The following RNF123 variants were observed in gnomAD, a reference collection of about 807,000 sequenced individuals.
The protein encoded by RNF123 is ring finger protein 123.
A neutral mutation model predicts 168.5 loss-of-function variants in RNF123; 86 were observed. The ratio of observed to expected loss-of-function variants is 0.51; its 90% CI spans 0.43 to 0.61. The LOEUF is 0.61. Ranked by LOEUF, RNF123 falls within the 20% of genes least tolerant of loss-of-function variation. The pLI, the probability that RNF123 is intolerant of heterozygous loss-of-function variation, is 0.00. For synonymous variants in RNF123, 666 were observed against 689.1 expected, an observed-to-expected ratio of 0.97 and a Z score of 0.52; for missense variants, 1,419 against 1,729.7, an observed-to-expected ratio of 0.82 and a Z score of 3.19.
intron 5 of RNF123, 147 bp from the exon 6 acceptor site, chr3:49,697,738 G>A (rs113355417): frequency 8.3e-6 from 8 of 966,110 alleles, no homozygotes; most frequent in South Asian, 7.0e-5. Context: ...AAGCCTACCC[G>A]CTCCCACCGT....
chr3:49,714,796 C>T (rs188066975), intron 31 of RNF123, among the ~76,000 whole-genome samples: 1 of 152,382 alleles, frequency 6.6e-6, no homozygotes, highest in African/African-American at 2.4e-5. Context: ...ACACTGTCCT[C>T]ACCCTTCATG....
rs2054427578 is a variant in RNF123 at position 49,702,636 on chromosome 3, A to G, written c.1633A>G (p.Met545Val). Residue 545 changes from methionine to valine, a missense_variant, in exon 20 of 39, where the codon ATG becomes GTG. Coordinates refer to ENST00000327697, the MANE Select transcript of RNF123 (RefSeq NM_022064.5). ...GTTTCATGCCTGGTGTCCACAGAAC[A>G]TGCCCATGCTCTGCCCCCCTGAGTA... ...LQENASGRGN[M>V]PMLCPPEYMV... 1 of 1,614,226 alleles carries G rather than the reference A, an allele frequency of 6.2e-7. No homozygotes were observed. Among genetic ancestry groups the G allele is most frequent in the Non-Finnish European group, 8.5e-7 (1 of 1,180,026 alleles).
At chr3:49,701,426 GAA>G (rs1391561968) in intron 15 of RNF123, 63 bp from the exon 16 acceptor site, 3 of 1,277,862 alleles carry the variant, frequency 2.3e-6, no homozygotes, top group African/African-American at 2.9e-5. Flanking sequence ...GGCTCCTGGG[GAA>G]GGACTCTTGA....
At chr3:49,719,101 C>T in intron 35 of RNF123, 2 of 1,613,550 alleles carry the variant, frequency 1.2e-6, no homozygotes, top group Non-Finnish European at 8.5e-7. Flanking sequence ...GCCAAGCGCC[C>T]GCAACGTGTT....
At chr3:49,703,397 C>G (rs1251705250) in intron 20 of RNF123, 30 bp from the exon 21 acceptor site, 3 of 1,577,168 alleles carry the variant, frequency 1.9e-6, no homozygotes, top group Non-Finnish European at 2.6e-6. Context: ...GGGCCGTGAC[C>G]ACTGGCCTAG....
chr3:49,691,138 A>G lies in RNF123; in HGVS notation c.-28A>G, dbSNP rs765809754. The G allele has an allele frequency of 1.4e-5, 23 of 1,609,598 alleles. No homozygotes were observed. The highest frequency in any genetic ancestry group is 1.7e-4 in the Middle Eastern group (1 of 5,934). ...CTCTGTGTCTGGCTCAGCCCCCAGG[A>G]CCACTGGCTGCCCATGAGAGATGAA... is the stretch of plus-strand genomic sequence containing the variant. On this transcript the variant is annotated 5_prime_UTR_variant, in exon 2 of 39. Transcript: ENST00000327697.
chr3:49,703,449 C>G lies in RNF123; in HGVS notation c.1773C>G (p.Val591=). 6.2e-7 allele frequency: 1 copy of G among 1,614,090 alleles called. No individual in the cohort carries two copies. Among genetic ancestry groups the G allele is most frequent in the Non-Finnish European group, 8.5e-7 (1 of 1,179,986 alleles). ...CAGAGGCCTACATCCCGCCCCAGGT[C>G]TTCTATAATGGCAAGGTGGACTACT... ...FSEEAYIPPQ[V]FYNGKVDYFD... The change falls in exon 21 of 39, where the codon GTC becomes GTG. Residue 591 remains valine, a synonymous_variant. Coordinates refer to ENST00000327697, the MANE Select transcript of RNF123 (RefSeq NM_022064.5).
In RNF123 at chr3:49,698,152, G is replaced by C. The variant is rs991920278; in HGVS notation, c.483+15G>C. On this transcript the variant is annotated intron_variant, in intron 7 of 38. Transcript: ENST00000327697. ...TCAACCAGGAGGTACACGTTGGGGA[G>C]GGGACCCCTCCCTGGGCCCAGGGAG... 1 of 1,610,920 alleles carries C rather than the reference G, an allele frequency of 6.2e-7. No homozygotes were observed. The highest frequency in any genetic ancestry group is 1.3e-5 in the African/African-American group (1 of 74,916).
intron 12 of RNF123, 135 bp from the exon 13 acceptor site, chr3:49,700,092 G>T (rs2054348797): frequency 3.9e-6 from 5 of 1,288,954 alleles, no homozygotes; most frequent in African/African-American, 1.5e-5. Context: ...CCCGGAAGGG[G>T]TCATCTATGT....
At chr3:49,692,493 A>G (rs2054187356) in intron 3 of RNF123, among the ~76,000 whole-genome samples, 1 of 152,140 alleles carries the variant, frequency 6.6e-6, no homozygotes, top group Non-Finnish European at 1.5e-5. Flanking sequence ...TAAACAATCT[A>G]GTTATACTCT....
rs201096152 is a variant in RNF123, at chr3:49,702,069, C to T, written c.1496-14C>T. The T allele has an allele frequency of 5.5e-5, 89 of 1,613,222 alleles. 1 individual carries two copies. In the East Asian group the frequency reaches 1.1e-3, roughly 20 times the overall value. ...CCTGGAGCCTGAGGGCCATGTTCCTCACCTGACCTCCAGTGGTGGAAGAAC... is the reference window on the plus strand; with the variant it reads ...CCTGGAGCCTGAGGGCCATGTTCCTTACCTGACCTCCAGTGGTGGAAGAAC... On this transcript the variant is annotated splice_polypyrimidine_tract_variant and intron_variant, in intron 17 of 38. Coordinates refer to ENST00000327697, the MANE Select transcript of RNF123 (RefSeq NM_022064.5).
intron 26 of RNF123, among the ~76,000 whole-genome samples, chr3:49,707,359 G>A (rs1204519265): frequency 6.6e-6 from 1 of 152,144 alleles, no homozygotes; most frequent in East Asian, 1.9e-4. Flanking sequence ...AAAACCTGGT[G>A]TGTGCCAGGT....
intron 21 of RNF123, among the ~76,000 whole-genome samples, chr3:49,704,076 G>A (rs2054463930): frequency 6.6e-6 from 1 of 152,196 alleles, no homozygotes; most frequent in Non-Finnish European, 1.5e-5. Flanking sequence ...TGGATGGGGT[G>A]CCATCAGGGA....
rs781514065 is a variant in RNF123 at position 49,721,485 on chromosome 3, C to T, written c.*180C>T. On this transcript the variant is annotated 3_prime_UTR_variant, in exon 39 of 39. Transcript: ENST00000327697. ...TGGCCCTAATTGTGCCTGAGCTTGA[C>T]TTTCAGTCAGGGCCACAGTGAGCAT... The T allele has an allele frequency of 1.1e-5, 10 of 927,900 alleles. No individual in the cohort carries two copies. Among genetic ancestry groups the T allele is most frequent in the Non-Finnish European group, 1.8e-5 (10 of 567,266 alleles). The allele number at this position is 927,900 out of a possible 1,614,324, so 57.5% of individuals were successfully genotyped here.
At chr3:49,691,895 A>T (rs957909178) in intron 3 of RNF123, among the ~76,000 whole-genome samples, 1 of 152,228 alleles carries the variant, frequency 6.6e-6, no homozygotes, top group Admixed American at 6.5e-5. Context: ...CCTTTTCTTT[A>T]CAAGTTTAAT....
At chr3:49,716,525 TG>T in intron 35 of RNF123, 48 bp downstream of exon 35, 2 of 1,524,828 alleles carry the variant, frequency 1.3e-6, no homozygotes, top group Non-Finnish European at 1.8e-6. Flanking sequence ...GTGTGTCTGG[TG>T]AGGAGGGGCT....
At position 49,721,072 on chromosome 3, in the gene RNF123, C is replaced by T. The variant is rs746571282; in HGVS notation, c.3791C>T (p.Ala1264Val). The change falls in exon 38 of 39, where the codon GCT (alanine) becomes GTT (valine). Residue 1264 changes from alanine to valine, a missense_variant. By Grantham distance (64) the Ala-to-Val change is moderately conservative. This residue lies in a region of RNF123 where 50 missense variants were observed against 77.2 expected (regional missense o/e 0.65). Coordinates refer to ENST00000327697, the MANE Select transcript of RNF123 (RefSeq NM_022064.5). ...CPICYAHPIS[A>V]VFQPCGHKSC... ...ATCTGCTATGCCCACCCCATCTCTG[C>T]TGTGTTCCAGCCCTGTGGCCACAAG... 2 of 1,613,968 alleles carry T rather than the reference C, an allele frequency of 1.2e-6. No individual in the cohort carries two copies. The highest frequency in any genetic ancestry group is 1.1e-5 in the South Asian group (1 of 91,042).
chr3:49,705,807 G>A (rs2054505130), intron 24 of RNF123, 128 bp downstream of exon 24: 1 of 1,488,472 alleles, frequency 6.7e-7, no homozygotes, highest in Non-Finnish European at 9.2e-7. Context: ...ACATGCCTCA[G>A]CGAGGCTGGT....
chr3:49,701,380 G>A (rs1420232048), intron 15 of RNF123, 111 bp from the exon 16 acceptor site: 9 of 815,420 alleles, frequency 1.1e-5, no homozygotes, highest in Admixed American at 1.9e-5. Flanking sequence ...TGCCCCTGTG[G>A]TGGTGGGAGA....
Sources: gnomAD v4.1 joint callset for allele counts (sites outside exome capture counted in the v4.1 genomes callset) on GRCh38, gnomAD v4.1.1 for gene constraint, gnomAD v4.1.1 regional missense constraint, MANE v1.5 for transcripts, NCBI Gene and HGNC (gene_info 2026-07-23, HGNC 2026-07-21) for gene names.